VPS54: variants seen among roughly 807,000 people sequenced by gnomAD.
VPS54 encodes VPS54 subunit of GARP complex.
Under a neutral mutation model 121.5 loss-of-function variants are expected in VPS54, and 45 were observed. The observed-to-expected ratio is 0.37, with a 90% CI of 0.29 to 0.47. The LOEUF (loss-of-function observed/expected upper bound fraction) is 0.47, where lower values mean the gene tolerates loss of function less well. VPS54 is among the 20% of genes least tolerant of loss of function. The probability of loss-of-function intolerance (pLI) is 0.99; values close to 1 mark genes in which losing one functional copy is unlikely to be tolerated. For synonymous variants in VPS54, 371 were observed against 385.8 expected (o/e 0.96, Z 0.45); for missense variants, 1,090 against 1,131.4 (o/e 0.96, Z 0.52).
At chr2:63,965,753 A>G in intron 6 of VPS54, 82 bp downstream of exon 6, 2 of 1,541,098 alleles carry the variant, frequency 1.3e-6, no homozygotes, top group Non-Finnish European at 1.8e-6. Flanking sequence ...ACAGCTTACT[A>G]AATAACTAAA....
intron 11 of VPS54, among the ~76,000 whole-genome samples, chr2:63,934,425 G>C (rs150992998): frequency 6.6e-6 from 1 of 151,908 alleles, no homozygotes; most frequent in Admixed American, 6.6e-5. Flanking sequence ...TCCTTTTCTC[G>C]TATCTTCTCT....
Position 63,893,250 on chromosome 2 carries a change from A to C in VPS54, c.*180T>G, listed in dbSNP as rs1334414337. On this transcript the variant is annotated 3_prime_UTR_variant, in exon 23 of 23. Coordinates refer to ENST00000272322, the MANE Select transcript of VPS54 (RefSeq NM_016516.3). ...CCTCACTGTAGGATGCACAAAAATG[A>C]CATTCCTTGTAGATCCCACTGAATC... The C allele has an allele frequency of 1.4e-6, 1 of 697,676 alleles. No individual in the cohort carries two copies. Among genetic ancestry groups the C allele is most frequent in the Non-Finnish European group, 2.6e-6 (1 of 381,752 alleles). The allele number at this position is 697,676 out of a possible 1,614,324, so 43.2% of individuals were successfully genotyped here. A position where few individuals can be genotyped will look rare whatever the true frequency, so the allele number is the denominator to read the frequency against.
At chr2:64,008,727 C>T (rs996304426) in intron 1 of VPS54, among the ~76,000 whole-genome samples, 1 of 151,790 alleles carries the variant, frequency 6.6e-6, no homozygotes, top group Non-Finnish European at 1.5e-5. Flanking sequence ...TTCTGTGAAG[C>T]GCTAGATCAA....
At chr2:63,974,927 A>T in intron 3 of VPS54, 1 of 1,461,166 alleles carries the variant, frequency 6.8e-7, no homozygotes, top group African/African-American at 1.4e-5. Context: ...TTTTCTTATT[A>T]CATTAGTTAG....
chr2:63,938,336 A>T (rs1020783026), intron 11 of VPS54, among the ~76,000 whole-genome samples: 1 of 151,870 alleles, frequency 6.6e-6, no homozygotes, highest in African/African-American at 2.4e-5. Context: ...GAGTGGTAAA[A>T]ATGTCTTCAT....
At chr2:64,004,761 A>C (rs1678046473) in intron 1 of VPS54, among the ~76,000 whole-genome samples, 1 of 152,134 alleles carries the variant, frequency 6.6e-6, no homozygotes. Flanking sequence ...TACAATAATA[A>C]CTGTTTAAAT....
intron 20 of VPS54, among the ~76,000 whole-genome samples, chr2:63,904,208 G>A (rs985375424): frequency 1.3e-5 from 2 of 152,124 alleles, no homozygotes; most frequent in African/African-American, 4.8e-5. Context: ...GGAAGGCCGA[G>A]GTGGGCGGAT....
intron 1 of VPS54, among the ~76,000 whole-genome samples, chr2:64,018,570 T>A (rs1468308942): frequency 6.6e-6 from 1 of 151,758 alleles, no homozygotes; most frequent in South Asian, 2.1e-4. Context: ...CCAATAGGAC[T>A]AAGGGCCTGG....
chr2:64,006,736 A>C (rs894701786), intron 1 of VPS54, among the ~76,000 whole-genome samples: 1 of 152,062 alleles, frequency 6.6e-6, no homozygotes, highest in East Asian at 1.9e-4. Flanking sequence ...CTCCTGCCTC[A>C]GCCTCCTGAG....
chr2:63,979,753 A>G (rs1353768340), intron 3 of VPS54, among the ~76,000 whole-genome samples: 2 of 152,200 alleles, frequency 1.3e-5, no homozygotes, highest in East Asian at 3.8e-4. Context: ...TTAGAAGCAT[A>G]AAGTTCTGGT....
At chr2:63,907,864 A>T (rs1436156418) in intron 20 of VPS54, among the ~76,000 whole-genome samples, 1 of 152,236 alleles carries the variant, frequency 6.6e-6, no homozygotes, top group Non-Finnish European at 1.5e-5. Flanking sequence ...AACCACAATG[A>T]GTATCACTCC....
chr2:63,981,596 T>C, intron 3 of VPS54, 50 bp downstream of exon 3: 1 of 1,507,130 alleles, frequency 6.6e-7, no homozygotes, highest in Non-Finnish European at 8.9e-7. Context: ...ATACTAAAAA[T>C]ATTTCTATTA....
At chr2:63,945,673 T>C (rs1215639479) in intron 9 of VPS54, among the ~76,000 whole-genome samples, 1 of 152,174 alleles carries the variant, frequency 6.6e-6, no homozygotes, top group African/African-American at 2.4e-5. Flanking sequence ...CAGAGTATGT[T>C]TGAATTGTAA....
At position 63,981,808 on chromosome 2, in the gene VPS54, A is replaced by T; in HGVS notation, c.216T>A (p.Asn72Lys). 6.2e-7 allele frequency: 1 copy of T among 1,613,738 alleles called. No homozygotes were observed. Among genetic ancestry groups the T allele is most frequent in the Non-Finnish European group, 8.5e-7 (1 of 1,179,812 alleles). The change falls in exon 3 of 23, where the codon AAT (asparagine) becomes AAA (lysine). Residue 72 changes from asparagine (N) to lysine (K), a missense_variant. Asn to Lys is a moderately conservative substitution (Grantham distance 94). Transcript: ENST00000272322. ...HRWTVYHSKV[N>K]LPAALNDPRL... The stretch of plus-strand genomic sequence containing the variant: ...TAGGATCGTTTAATGCTGCTGGGAG[A>T]TTTACTTTGGAATGATATACAGTCC...
intron 2 of VPS54, 30 bp downstream of exon 2, chr2:63,983,834 T>C (rs1354643437): frequency 6.4e-7 from 1 of 1,570,558 alleles, no homozygotes; most frequent in African/African-American, 1.4e-5. Context: ...AAATCATCAG[T>C]AAAAATCCTA....
chr2:63,953,278 T>C (rs1025639724), intron 7 of VPS54, among the ~76,000 whole-genome samples: 2 of 151,770 alleles, frequency 1.3e-5, no homozygotes, highest in African/African-American at 4.8e-5. Flanking sequence ...AATACAGGTA[T>C]GCACCACCAC....
intron 12 of VPS54, 141 bp from the exon 13 acceptor site, chr2:63,921,476 GT>G: frequency 1.3e-6 from 1 of 798,852 alleles, no homozygotes; most frequent in South Asian, 2.2e-5. Context: ...ATATCTTATA[GT>G]TTTTATAGTG....
At chr2:63,982,881 G>T (rs1286707565) in intron 2 of VPS54, among the ~76,000 whole-genome samples, 1 of 152,228 alleles carries the variant, frequency 6.6e-6, no homozygotes, top group South Asian at 2.1e-4. Flanking sequence ...GGGAATGCAT[G>T]TGTCAGGTAT....
chr2:63,938,444 T>C (rs1240659559), intron 11 of VPS54, among the ~76,000 whole-genome samples: 1 of 152,082 alleles, frequency 6.6e-6, no homozygotes, highest in Non-Finnish European at 1.5e-5. Flanking sequence ...GACTGGGACT[T>C]TCAGCCCCAC....
Sources: gnomAD v4.1 joint callset for allele counts (sites outside exome capture counted in the v4.1 genomes callset) on GRCh38, gnomAD v4.1.1 for gene constraint, MANE v1.5 for transcripts, NCBI Gene and HGNC (gene_info 2026-07-23, HGNC 2026-07-21) for gene names.